The following DRC8 variants were observed in gnomAD, a reference collection of about 807,000 sequenced individuals.
DRC8 encodes the protein dynein regulatory complex protein 8.
At chr1:245,122,055 C>T in the DRC8 span, 5 of 294,704 alleles carry the variant, frequency 1.7e-5, no homozygotes, top group South Asian at 6.0e-5. Flanking sequence ...CACACCACCA[C>T]GCCTGGCTAA....
chr1:245,072,414 T>A, the DRC8 span, among the ~76,000 whole-genome samples: 15 of 152,296 alleles, frequency 9.8e-5, no homozygotes, highest in African/African-American at 3.6e-4. Context: ...TTTTTAAAAA[T>A]TTTTGTAGAG....
chr1:245,018,849 G>A, the DRC8 span, among the ~76,000 whole-genome samples: 6 of 152,206 alleles, frequency 3.9e-5, no homozygotes, highest in East Asian at 5.8e-4. Flanking sequence ...TGGCATCTCC[G>A]GTTTCCAGAG....
At chr1:245,117,505 A>G in the DRC8 span, among the ~76,000 whole-genome samples, 3 of 151,682 alleles carry the variant, frequency 2.0e-5, no homozygotes, top group South Asian at 4.2e-4. Flanking sequence ...ACTCAGTGCA[A>G]CTTCGCCTCC....
chr1:245,072,735 TG>T, the DRC8 span, among the ~76,000 whole-genome samples: 2 of 152,206 alleles, frequency 1.3e-5, no homozygotes, highest in African/African-American at 4.8e-5. Context: ...GTTTGAATCA[TG>T]GGGGAAGATC....
At chr1:245,086,877 C>T in the DRC8 span, 1 of 519,188 alleles carries the variant, frequency 1.9e-6, no homozygotes, top group African/African-American at 1.9e-5. Context: ...TATCTTCCTT[C>T]CATCTTTCAT....
the DRC8 span, among the ~76,000 whole-genome samples, chr1:245,066,603 T>C: frequency 1.3e-5 from 2 of 152,126 alleles, no homozygotes; most frequent in African/African-American, 4.8e-5. Context: ...AAACATAAGA[T>C]AATGGTACTT....
chr1:244,985,082 T>G, the DRC8 span, among the ~76,000 whole-genome samples: 5 of 34,016 alleles, frequency 1.5e-4, no homozygotes, highest in Admixed American at 4.4e-4. Context: ...CAGGGTTTTT[T>G]TTTTTTTTTT....
At chr1:244,991,511 A>G in the DRC8 span, among the ~76,000 whole-genome samples, 3 of 152,068 alleles carry the variant, frequency 2.0e-5, no homozygotes, top group African/African-American at 7.2e-5. Context: ...AATTTTTGGC[A>G]GATAATTTCT....
At chr1:245,103,883 G>A in the DRC8 span, among the ~76,000 whole-genome samples, 14 of 152,340 alleles carry the variant, frequency 9.2e-5, no homozygotes, top group East Asian at 2.7e-3. Context: ...ACAAAAGAAG[G>A]CCCATTCTCG....
chr1:245,052,800 G>A, the DRC8 span, among the ~76,000 whole-genome samples: 2 of 152,210 alleles, frequency 1.3e-5, no homozygotes, highest in Non-Finnish European at 2.9e-5. Context: ...GCAAGTTGTG[G>A]TGACGGTAAG....
the DRC8 span, among the ~76,000 whole-genome samples, chr1:245,120,611 T>C: frequency 6.6e-6 from 1 of 152,368 alleles, no homozygotes; most frequent in South Asian, 2.1e-4. Flanking sequence ...TGGTAGACTT[T>C]TGCTTATCCT....
chr1:244,978,740 T>G, the DRC8 span, among the ~76,000 whole-genome samples: 2 of 152,170 alleles, frequency 1.3e-5, no homozygotes, highest in South Asian at 4.1e-4. Context: ...TCCTACCACC[T>G]TGGCCTCCCA....
chr1:245,067,004 A>G, the DRC8 span, among the ~76,000 whole-genome samples: 1 of 152,224 alleles, frequency 6.6e-6, no homozygotes, highest in African/African-American at 2.4e-5. Context: ...ATTATAATAC[A>G]TCAACACATT....
the DRC8 span, chr1:245,087,108 T>G: frequency 7.7e-7 from 1 of 1,298,244 alleles, no homozygotes; most frequent in African/African-American, 1.5e-5. Flanking sequence ...CGTGATGTCC[T>G]GGCTCTACAG....
At chr1:245,027,073 C>T in the DRC8 span, among the ~76,000 whole-genome samples, 1 of 152,202 alleles carries the variant, frequency 6.6e-6, no homozygotes, top group Non-Finnish European at 1.5e-5. Context: ...TGTACAACTA[C>T]ACATAAAAAT....
chr1:245,079,356 A>G, the DRC8 span, among the ~76,000 whole-genome samples: 1 of 152,206 alleles, frequency 6.6e-6, no homozygotes, highest in Non-Finnish European at 1.5e-5. Context: ...ACAATAACAA[A>G]GAACACTTAT....
the DRC8 span, among the ~76,000 whole-genome samples, chr1:245,027,594 C>A: frequency 6.6e-6 from 1 of 151,798 alleles, no homozygotes; most frequent in African/African-American, 2.4e-5. Context: ...CTATCTATTT[C>A]GAATATAAAA....
At chr1:245,030,002 T>C in the DRC8 span, among the ~76,000 whole-genome samples, 1 of 152,196 alleles carries the variant, frequency 6.6e-6, no homozygotes, top group Non-Finnish European at 1.5e-5. Flanking sequence ...AGAGTGTACT[T>C]CCTGAGGCCT....
At chr1:244,979,586 G>A in the DRC8 span, among the ~76,000 whole-genome samples, 35 of 151,858 alleles carry the variant, frequency 2.3e-4, no homozygotes, top group East Asian at 2.3e-3. Context: ...GATTACAGGT[G>A]TGAGCCACTG....
Sources: allele counts gnomAD v4.1 joint callset (sites outside exome capture counted in the v4.1 genomes callset), GRCh38; gene constraint gnomAD v4.1.1; transcripts MANE v1.5; gene names NCBI Gene and HGNC (gene_info 2026-07-23, HGNC 2026-07-21).